SPTBN1: variants seen among roughly 807,000 people sequenced by gnomAD.
SPTBN1 encodes spectrin beta, non-erythrocytic 1, also known as spectrin beta chain, non-erythrocytic 1.
Under a neutral mutation model 266.4 loss-of-function variants are expected in SPTBN1, and 32 were observed. The ratio of observed to expected loss-of-function variants is 0.12; its 90% CI spans 0.09 to 0.16. SPTBN1 has a LOEUF of 0.16. SPTBN1 is among the 10% of genes least tolerant of loss of function. The pLI is 1.00. For synonymous variants in SPTBN1, 1,336 were observed against 1,162.2 expected (o/e 1.15, Z -3.04); for missense variants, 2,296 against 3,067.1 (o/e 0.75, Z 5.94).
At chr2:54,658,741 G>C (rs1680838822) in intron 30 of SPTBN1, among the ~76,000 whole-genome samples, 2 of 152,298 alleles carry the variant, frequency 1.3e-5, no homozygotes, top group South Asian at 2.1e-4. Flanking sequence ...GCTGAACACA[G>C]ATCCCCACCA....
chr2:54,586,643 T>C (rs1675316818), intron 2 of SPTBN1, among the ~76,000 whole-genome samples: 1 of 152,244 alleles, frequency 6.6e-6, no homozygotes, highest in African/African-American at 2.4e-5. Context: ...GACAGCTCTG[T>C]GTGGTGGCTT....
chr2:54,527,344 TTTAA>T (rs1182790421), intron 2 of SPTBN1: 1 of 152,220 alleles, frequency 6.6e-6, no homozygotes, highest in Non-Finnish European at 1.5e-5. Flanking sequence ...TTCTAATGTC[TTTAA>T]TTGTGACAAG....
intron 4 of SPTBN1, among the ~76,000 whole-genome samples, chr2:54,614,938 A>G (rs554749680): frequency 6.6e-6 from 1 of 152,302 alleles, no homozygotes; most frequent in African/African-American, 2.4e-5. Flanking sequence ...TACCCTTCAC[A>G]CAGAAGTATA....
chr2:54,585,215 A>G (rs1263852537), intron 2 of SPTBN1, among the ~76,000 whole-genome samples: 1 of 152,212 alleles, frequency 6.6e-6, no homozygotes. Flanking sequence ...TCTTGTATAA[A>G]AGTGTGTTTA....
At chr2:54,499,517 C>T (rs1160972443) in intron 1 of SPTBN1, among the ~76,000 whole-genome samples, 1 of 152,158 alleles carries the variant, frequency 6.6e-6, no homozygotes, top group African/African-American at 2.4e-5. Context: ...CTTGCTAAAA[C>T]GTGGAGCCAA....
chr2:54,472,644 C>G (rs1693988308), intron 1 of SPTBN1, among the ~76,000 whole-genome samples: 1 of 151,720 alleles, frequency 6.6e-6, no homozygotes, highest in African/African-American at 2.4e-5. Flanking sequence ...GAAATGGGTC[C>G]TGTACAGACT....
chr2:54,550,855 T>G (rs924846371), intron 2 of SPTBN1, among the ~76,000 whole-genome samples: 7 of 152,204 alleles, frequency 4.6e-5, no homozygotes, highest in African/African-American at 1.7e-4. Flanking sequence ...TCCAATAGCC[T>G]ATGCCCATGG....
In SPTBN1 at chr2:54,612,344, T is replaced by C. The variant is rs370687636; in HGVS notation, c.474+10T>C. On this transcript the variant is annotated intron_variant, in intron 4 of 35. Transcript: ENST00000356805. ...CATCCTGCGCTTCCAGGTAAGGGTCTCTGCCCAGGGTTGCTCAGAACTTAG... is the reference window on the plus strand; with the variant it reads ...CATCCTGCGCTTCCAGGTAAGGGTCCCTGCCCAGGGTTGCTCAGAACTTAG... 6.2e-7 allele frequency: 1 copy of C among 1,608,868 alleles called. No individual in the cohort carries two copies. The highest frequency in any genetic ancestry group is 8.5e-7 in the Non-Finnish European group (1 of 1,176,754).
rs184381276 is a variant in SPTBN1 at position 54,596,771 on chromosome 2, A to G, written c.149-2321A>G. Among the ~76,000 whole-genome samples the G allele has an allele frequency of 1.5e-3, 235 of 152,288 alleles. 2 individuals carry two copies. The highest frequency in any genetic ancestry group is 5.3e-3 in the African/African-American group (222 of 41,564). On this transcript the variant is annotated intron_variant, in intron 2 of 35. Coordinates refer to ENST00000356805, the MANE Select transcript of SPTBN1 (RefSeq NM_003128.3). ...TAGCCCTGGGGAGCCCTCCCGGCAC[A>G]GATCTCAGTCTGTTTCAGCTCTGTT... is the stretch of plus-strand genomic sequence containing the variant.
At chr2:54,643,458 T>C (rs1288535981) in intron 19 of SPTBN1, among the ~76,000 whole-genome samples, 2 of 152,210 alleles carry the variant, frequency 1.3e-5, no homozygotes, top group African/African-American at 4.8e-5. Flanking sequence ...ATCATATTAT[T>C]TGTGTTGTAC....
chr2:54,634,993 A>G (rs780009971), intron 17 of SPTBN1, among the ~76,000 whole-genome samples: 19 of 152,192 alleles, frequency 1.2e-4, no homozygotes, highest in Non-Finnish European at 2.4e-4. Flanking sequence ...CAGCTTCATA[A>G]AGCAAGACCC....
intron 2 of SPTBN1, among the ~76,000 whole-genome samples, chr2:54,570,661 C>T (rs6734445): frequency 0.26 from 39,831 of 152,072 alleles, 6,849 homozygotes; most frequent in African/African-American, 0.5. Flanking sequence ...AAACCATAGA[C>T]ATGATTTTGG....
intron 2 of SPTBN1, among the ~76,000 whole-genome samples, chr2:54,572,994 G>T (rs760689572): frequency 3.3e-5 from 5 of 152,206 alleles, no homozygotes; most frequent in Non-Finnish European, 7.4e-5. Flanking sequence ...CTGGGAATCA[G>T]ATGAGAAGGC....
intron 2 of SPTBN1, among the ~76,000 whole-genome samples, chr2:54,542,738 C>T (rs1327977052): frequency 6.6e-6 from 1 of 152,046 alleles, no homozygotes; most frequent in Non-Finnish European, 1.5e-5. Flanking sequence ...GAAAGCAGGG[C>T]CTTTTCAACT....
At position 54,644,520 on chromosome 2, in the gene SPTBN1, T is replaced by C; in HGVS notation, c.4203T>C (p.Ser1401=). ...ACAAATGGCTGCACGGCCTGGAGAGTCAGATTCAGTCTGATGACTATGGCA... is the reference window on the plus strand; with the variant it reads ...ACAAATGGCTGCACGGCCTGGAGAGCCAGATTCAGTCTGATGACTATGGCA... ...DLDKWLHGLE[S]QIQSDDYGKD... is the part of the protein sequence containing the mutation. The change falls in exon 20 of 36, where the codon AGT becomes AGC. Residue 1401 remains serine, a synonymous_variant. Transcript: ENST00000356805. The C allele has an allele frequency of 1.9e-6, 3 of 1,613,716 alleles. No individual in the cohort carries two copies. Among genetic ancestry groups the C allele is most frequent in the Non-Finnish European group, 1.7e-6 (2 of 1,179,882 alleles).
rs772689615 is a variant in SPTBN1, at chr2:54,645,233, T to A, written c.4274T>A (p.Leu1425Gln). 2.5e-6 allele frequency: 4 copies of A among 1,614,114 alleles called. No homozygotes were observed. Among genetic ancestry groups the A allele is most frequent in the Non-Finnish European group, 3.4e-6 (4 of 1,180,002 alleles). ...VNILLKKQQMLENQMEVRKKE... is the reference protein window; with the variant it reads ...VNILLKKQQMQENQMEVRKKE... ...AGGCTGCTTCTCTGCCCTCAGATGCTGGAGAATCAGATGGAAGTGCGGAAG... is the reference window on the plus strand; with the variant it reads ...AGGCTGCTTCTCTGCCCTCAGATGCAGGAGAATCAGATGGAAGTGCGGAAG... Residue 1425 changes from leucine to glutamine, a missense_variant, in exon 21 of 36, where the codon CTG (leucine) becomes CAG (glutamine). Physicochemically the swap from Leu to Gln is moderately radical, Grantham distance 113. This residue lies in a region of SPTBN1 where 386 missense variants were observed against 486.1 expected (regional missense o/e 0.79). Coordinates refer to ENST00000356805, the MANE Select transcript of SPTBN1 (RefSeq NM_003128.3). The surrounding 1 kb of genome is among the most constrained non-coding windows in gnomAD (Gnocchi z 4.3).
intron 2 of SPTBN1, among the ~76,000 whole-genome samples, chr2:54,577,010 G>T (rs1281243612): frequency 6.6e-6 from 1 of 152,150 alleles, no homozygotes; most frequent in Admixed American, 6.5e-5. Context: ...AAACCATGGA[G>T]GATGTTGGGG....
chr2:54,496,300 T>A (rs888582499), intron 1 of SPTBN1, among the ~76,000 whole-genome samples: 1 of 151,902 alleles, frequency 6.6e-6, no homozygotes, highest in African/African-American at 2.4e-5. Context: ...TAGCCAGGCA[T>A]GTTGGCGGGC....
intron 17 of SPTBN1, among the ~76,000 whole-genome samples, chr2:54,636,721 T>A (rs1331870361): frequency 6.6e-6 from 1 of 152,210 alleles, no homozygotes; most frequent in Non-Finnish European, 1.5e-5. Flanking sequence ...GAGAAATTGC[T>A]CTAAGAATCG....
Sources: allele counts gnomAD v4.1 joint callset (sites outside exome capture counted in the v4.1 genomes callset), GRCh38; gene constraint gnomAD v4.1.1; regional missense constraint gnomAD v4.1.1; non-coding constraint Gnocchi (gnomAD v3.1); transcripts MANE v1.5; gene names NCBI Gene and HGNC (gene_info 2026-07-23, HGNC 2026-07-21).